The following FAM120C variants were observed in gnomAD, a reference collection of about 807,000 sequenced individuals.
The protein encoded by FAM120C is constitutive coactivator of PPAR-gamma-like protein 2.
A neutral mutation model predicts 71.2 loss-of-function variants in FAM120C; 14 were observed. The ratio of observed to expected loss-of-function variants is 0.20; its 90% CI spans 0.13 to 0.31. FAM120C has a LOEUF of 0.31. Among genes scored for constraint, FAM120C ranks in the 10% least tolerant of loss-of-function variants. The pLI, the probability that FAM120C is intolerant of heterozygous loss-of-function variation, is 1.00. For synonymous variants in FAM120C, 354 were observed against 353.2 expected (o/e 1.00, Z -0.03); for missense variants, 500 against 879.0 (o/e 0.57, Z 5.45).
At chrX:54,147,821 A>G (rs782113181) in intron 4 of FAM120C, among the ~76,000 whole-genome samples, 1 of 111,017 alleles carries the variant, frequency 9.0e-6, no homozygotes, top group East Asian at 2.8e-4. Context: ...CAGCCTCCTG[A>G]GTAGCTGGGA....
chrX:54,098,426 T>A (rs1337601673), intron 10 of FAM120C, among the ~76,000 whole-genome samples: 1 of 111,563 alleles, frequency 9.0e-6, no homozygotes, highest in African/African-American at 3.3e-5. Context: ...CAGCAATGTA[T>A]GAGGGTTCCG....
At chrX:54,167,851 C>G (rs1335873249) in intron 1 of FAM120C, among the ~76,000 whole-genome samples, 3 of 108,426 alleles carry the variant, frequency 2.8e-5, no homozygotes, top group South Asian at 8.4e-4. Context: ...GCCTGTAGTA[C>G]CAGCTACTCA....
chrX:54,107,452 G>T (rs1649520224), intron 10 of FAM120C, among the ~76,000 whole-genome samples: 1 of 110,002 alleles, frequency 9.1e-6, no homozygotes, highest in South Asian at 3.9e-4. Flanking sequence ...GTTAATATGG[G>T]ACAATGTAGG....
chrX:54,113,718 C>T (rs1557126130), intron 10 of FAM120C, among the ~76,000 whole-genome samples: 1 of 107,961 alleles, frequency 9.3e-6, no homozygotes, highest in African/African-American at 3.4e-5. Flanking sequence ...TCAAGACCAG[C>T]CTCAACATGG....
At chrX:54,083,101 A>C (rs1365087139) in intron 13 of FAM120C, among the ~76,000 whole-genome samples, 5 of 108,990 alleles carry the variant, frequency 4.6e-5, no homozygotes, top group African/African-American at 1.7e-4. Context: ...CCTGGGTGAC[A>C]GAGCGAGATT....
In FAM120C at chrX:54,157,722, G is replaced by C; in HGVS notation, c.996C>G (p.Leu332=). ...DEDLAAFHWS[L]LGPEHPLASL... is the part of the protein sequence containing the mutation. ...ATGCAAGAGGATGTTCTGGTCCCAA[G>C]AGGCTCCAGTGAAAAGCAGCCAGGT... is the stretch of plus-strand genomic sequence containing the variant. Residue 332 remains leucine, a synonymous_variant, in exon 3 of 16, where the codon CTC becomes CTG. Transcript: ENST00000375180. 8.3e-7 allele frequency: 1 copy of C among 1,209,731 alleles called. No individual in the cohort carries two copies. The highest frequency in any genetic ancestry group is 1.1e-6 in the Non-Finnish European group (1 of 893,999).
Position 54,087,841 on chromosome X carries a change from T to C in FAM120C, c.2551A>G (p.Ile851Val). ...PVPWEHCCPW[I>V]YFDGKLFQSK... ...TGGAACAGCTTGCCATCAAAGTAAA[T>C]CCATGGACAGCAATGCTCCCAAGGG... Residue 851 changes from isoleucine (I) to valine (V), a missense_variant, in exon 12 of 16, where the codon ATT becomes GTT. Physicochemically the swap from Ile to Val is conservative, Grantham distance 29. Transcript: ENST00000375180. The C allele has an allele frequency of 8.3e-7, 1 of 1,210,967 alleles. No homozygotes were observed. Among genetic ancestry groups the C allele is most frequent in the Non-Finnish European group, 1.1e-6 (1 of 895,338 alleles).
At chrX:54,085,490 G>A (rs1188382583) in intron 13 of FAM120C, among the ~76,000 whole-genome samples, 2 of 110,400 alleles carry the variant, frequency 1.8e-5, no homozygotes, top group Admixed American at 2.0e-4. Context: ...AGAAGACTGA[G>A]GCAGGAGAAT....
intron 14 of FAM120C, among the ~76,000 whole-genome samples, chrX:54,080,858 C>G (rs2066760858): frequency 2.0e-5 from 1 of 49,276 alleles, no homozygotes; most frequent in Non-Finnish European, 4.1e-5. Context: ...GAAACTCCAT[C>G]TCAAGAAAAA....
intron 10 of FAM120C, among the ~76,000 whole-genome samples, chrX:54,116,022 A>T (rs2066965902): frequency 1.8e-5 from 2 of 111,698 alleles, no homozygotes; most frequent in South Asian, 7.5e-4. Flanking sequence ...TGGAGGTTGC[A>T]GTGAACCAAG....
chrX:54,109,886 G>A (rs2066926842), intron 10 of FAM120C, among the ~76,000 whole-genome samples: 1 of 109,639 alleles, frequency 9.1e-6, no homozygotes, highest in Non-Finnish European at 1.9e-5. Context: ...CATCAAGCTG[G>A]GAAACTGGTG....
At chrX:54,126,451 T>C (rs2067027818) in intron 9 of FAM120C, among the ~76,000 whole-genome samples, 1 of 112,025 alleles carries the variant, frequency 8.9e-6, no homozygotes, top group African/African-American at 3.2e-5. Context: ...CAATTTTTCA[T>C]ATACACAGGT....
intron 9 of FAM120C, among the ~76,000 whole-genome samples, chrX:54,129,261 A>T (rs2146605062): frequency 9.5e-6 from 1 of 104,817 alleles, no homozygotes; most frequent in Non-Finnish European, 2.0e-5. Flanking sequence ...CTCACTTCTC[A>T]GACGGGGCGG....
chrX:54,109,626 A>G lies in FAM120C; in HGVS notation c.2312+6919T>C, dbSNP rs190808353. Among the ~76,000 whole-genome samples, 33 of 107,506 alleles carry G rather than the reference A, an allele frequency of 3.1e-4. No individual in the cohort carries two copies. The East Asian group carries it at 9.1e-3, about 30-fold the overall frequency. The allele number at this position is 107,506 out of a possible 115,157, so 93.4% of individuals were successfully genotyped here. Reference sequence around the variant, plus strand: ...CAAGACCCTGGCTATAAAAAAAAAAAAAAGAAAAAAGAAAACAAAGAAAAT... The same window carrying G: ...CAAGACCCTGGCTATAAAAAAAAAAGAAAGAAAAAAGAAAACAAAGAAAAT... On this transcript the variant is annotated intron_variant, in intron 10 of 15. Coordinates refer to ENST00000375180, the MANE Select transcript of FAM120C (RefSeq NM_017848.6).
intron 4 of FAM120C, among the ~76,000 whole-genome samples, chrX:54,144,278 C>T (rs1328357001): frequency 9.0e-6 from 1 of 111,135 alleles, no homozygotes; most frequent in Non-Finnish European, 1.9e-5. Flanking sequence ...CCTCTCTCAC[C>T]ACTCCTATTC....
chrX:54,081,599 C>T lies in FAM120C; in HGVS notation c.2840-139G>A, dbSNP rs1201708584. The T allele has an allele frequency of 2.6e-5, 15 of 583,527 alleles. No individual in the cohort carries two copies. The Admixed American group carries it at 6.1e-4, about 24-fold the overall frequency. The allele number at this position is 583,527 out of a possible 1,213,427, so 48.1% of individuals were successfully genotyped here. A position where few individuals can be genotyped will look rare whatever the true frequency, so the allele number is the denominator to read the frequency against. On this transcript the variant is annotated intron_variant, in intron 13 of 15. Transcript: ENST00000375180. Reference sequence around the variant, plus strand: ...GCCAGCCTAGCCAACATGGTGAAACCCTGTCTCTACTAAAAATACAAACAA... The same window carrying T: ...GCCAGCCTAGCCAACATGGTGAAACTCTGTCTCTACTAAAAATACAAACAA...
rs1161395598 is a variant in FAM120C at position 54,069,016 on chromosome X, A to G, written c.*4017T>C. 1 of 112,195 alleles carries G rather than the reference A, an allele frequency of 8.9e-6. No homozygotes were observed. Among genetic ancestry groups the G allele is most frequent in the Admixed American group, 9.5e-5 (1 of 10,477 alleles). The allele number at this position is 112,195 out of a possible 1,213,427, so 9.2% of individuals were successfully genotyped here. ...GGACAAAAAGAGCATCTATAAAAGTACAGGGGCAATGTCAAAAGCTGAAAT... is the reference window on the plus strand; with the variant it reads ...GGACAAAAAGAGCATCTATAAAAGTGCAGGGGCAATGTCAAAAGCTGAAAT... On this transcript the variant is annotated 3_prime_UTR_variant, in exon 16 of 16. Transcript: ENST00000375180.
intron 10 of FAM120C, among the ~76,000 whole-genome samples, chrX:54,102,961 G>C (rs1220674546): frequency 2.7e-5 from 3 of 110,093 alleles, no homozygotes; most frequent in Non-Finnish European, 3.8e-5. Flanking sequence ...CTCATGATCT[G>C]CCTGCCTCGG....
intron 4 of FAM120C, among the ~76,000 whole-genome samples, chrX:54,149,883 A>G (rs1327382514): frequency 8.9e-6 from 1 of 112,343 alleles, no homozygotes; most frequent in Non-Finnish European, 1.9e-5. Context: ...TAATTTTAAA[A>G]ATAAGTGAGA....
Sources: allele counts gnomAD v4.1 joint callset (sites outside exome capture counted in the v4.1 genomes callset), GRCh38; gene constraint gnomAD v4.1.1; transcripts MANE v1.5; gene names NCBI Gene and HGNC (gene_info 2026-07-23, HGNC 2026-07-21).